The following ZNF546 variants were observed in gnomAD, a reference collection of about 807,000 sequenced individuals.
The protein encoded by ZNF546 is zinc finger protein 546.
Under a neutral mutation model 76.2 loss-of-function variants are expected in ZNF546, and 60 were observed. The observed-to-expected ratio is 0.79, with a 90% CI of 0.64 to 0.98. ZNF546 has a LOEUF of 0.98. ZNF546 is among the 50% of genes least tolerant of loss of function. The probability of loss-of-function intolerance (pLI) is 0.00; values close to 1 mark genes in which losing one functional copy is unlikely to be tolerated. For missense variants in ZNF546, 936 were observed against 1,035.6 expected (o/e 0.90, Z 1.32); for synonymous variants, 277 against 328.1 (o/e 0.84, Z 1.68).
Position 39,998,615 on chromosome 19 carries a change from T to G in ZNF546, c.84+205T>G, listed in dbSNP as rs536785772. On this transcript the variant is annotated intron_variant, in intron 3 of 6. Coordinates refer to ENST00000347077, the MANE Select transcript of ZNF546 (RefSeq NM_178544.5). ...TTTAAGGCTTTTAGAAGTGGGAATG[T>G]GATTGGAAGTCCAAGCATAGAAATC... 1.9e-4 allele frequency: 99 copies of G among 533,748 alleles called. 1 individual carries two copies. The highest frequency in any genetic ancestry group is 2.9e-4 in the Admixed American group (9 of 31,452). The allele number at this position is 533,748 out of a possible 1,614,324, so 33.1% of individuals were successfully genotyped here.
chr19:40,007,329 G>A lies in ZNF546; in HGVS notation c.227G>A (p.Cys76Tyr). The stretch of plus-strand genomic sequence containing the variant: ...GACCTCTCCCAAGAGGAGTGGGAGT[G>A]CCTGGACGCTGTGCAGAGGGACTTG... The part of the protein sequence containing the change: ...SIDLSQEEWE[C>Y]LDAVQRDLYK... The change falls in exon 5 of 7, where the codon TGC becomes TAC. Residue 76 changes from cysteine (C) to tyrosine (Y), a missense_variant. Coordinates refer to ENST00000347077, the MANE Select transcript of ZNF546 (RefSeq NM_178544.5). 1.2e-6 allele frequency: 2 copies of A among 1,607,248 alleles called. No homozygotes were observed. The highest frequency in any genetic ancestry group is 1.7e-6 in the Non-Finnish European group (2 of 1,175,980).
At position 40,015,566 on chromosome 19, in the gene ZNF546, C is replaced by T. The variant is rs756825142; in HGVS notation, c.2296C>T (p.Arg766Ter). ...NAFRLQAELT[R>*]HHIVHTGEKP... ...CTTTCGTCTTCAAGCAGAACTTACT[C>T]GACATCACATAGTTCACACGGGTGA... Residue 766 changes from arginine to a stop codon, truncating the protein, a stop_gained, in exon 7 of 7, where the codon CGA becomes TGA. Transcript: ENST00000347077. LOFTEE classifies it high-confidence loss of function. 2.2e-5 allele frequency: 36 copies of T among 1,613,898 alleles called. No individual in the cohort carries two copies. The highest frequency in any genetic ancestry group is 7.7e-5 in the South Asian group (7 of 91,070).
chr19:40,013,687 CAAGAATTTGCTTTCAG>C lies in ZNF546; in HGVS notation c.420_435del (p.Asn141ArgfsTer52), dbSNP rs1407466601. ...CAGATTTGGAATACAAGTATATTAC[CAAGAATTTGCTTTCAG>C]AAAAGAATGTTTGCAAAATCTATTT... On this transcript the variant is annotated frameshift_variant, in exon 7 of 7. Transcript: ENST00000347077. LOFTEE classifies it high-confidence loss of function. 1 of 1,494,104 alleles carries C rather than the reference CAAGAATTTGCTTTCAG, an allele frequency of 6.7e-7. No individual in the cohort carries two copies. Among genetic ancestry groups the C allele is most frequent in the Non-Finnish European group, 9.0e-7 (1 of 1,109,810 alleles). The allele number at this position is 1,494,104 out of a possible 1,614,324, so 92.6% of individuals were successfully genotyped here.
intron 3 of ZNF546, among the ~76,000 whole-genome samples, chr19:40,002,952 G>T (rs891183988): frequency 3.3e-5 from 5 of 151,950 alleles, no homozygotes; most frequent in African/African-American, 1.2e-4. Flanking sequence ...CGCCCACCTT[G>T]GCCTCCCAAA....
At position 40,017,756 on chromosome 19, in the gene ZNF546, C is replaced by G. The variant is rs1265176565; in HGVS notation, c.*1975C>G. 6.6e-6 allele frequency: 1 copy of G among 152,114 alleles called. No individual in the cohort carries two copies. The highest frequency in any genetic ancestry group is 1.9e-4 in the East Asian group (1 of 5,190). 9.4% of individuals were successfully genotyped at this position (152,114 alleles called of 1,614,324 possible). ...AGATTTGACCCCCAGTAACTTCACA[C>G]CTAAGGAGATTAGCAATAATTCCAT... is the stretch of plus-strand genomic sequence containing the variant. On this transcript the variant is annotated 3_prime_UTR_variant, in exon 7 of 7. Transcript: ENST00000347077.
chr19:40,000,965 C>T (rs1330405508), intron 3 of ZNF546, among the ~76,000 whole-genome samples: 1 of 152,038 alleles, frequency 6.6e-6, no homozygotes, highest in Non-Finnish European at 1.5e-5. Context: ...AGCTTGTTTT[C>T]CTGCAACTAG....
rs1444023254 is a variant in ZNF546, at chr19:40,020,343, TTA to T, written c.*4566_*4567del. Reference sequence around the variant, plus strand: ...ATTGTACAAGTCATTTACTATCTAATTATATCATTGCTCAACATTTGCAAATT... The same window carrying T: ...ATTGTACAAGTCATTTACTATCTAATTATCATTGCTCAACATTTGCAAATT... On this transcript the variant is annotated 3_prime_UTR_variant, in exon 7 of 7. Coordinates refer to ENST00000347077, the MANE Select transcript of ZNF546 (RefSeq NM_178544.5). 2.8e-4 allele frequency: 42 copies of T among 152,312 alleles called. No homozygotes were observed. The highest frequency in any genetic ancestry group is 1.6e-3 in the Admixed American group (25 of 15,308). The allele number at this position is 152,312 out of a possible 1,614,324, so 9.4% of individuals were successfully genotyped here. A position where few individuals can be genotyped will look rare whatever the true frequency, so the allele number is the denominator to read the frequency against.
chr19:40,008,614 C>T lies in ZNF546; in HGVS notation c.394+49C>T, dbSNP rs1284941525. The T allele has an allele frequency of 2.7e-6, 4 of 1,481,272 alleles. No individual in the cohort carries two copies. In the South Asian group the frequency reaches 3.5e-5, roughly 13 times the overall value. The allele number at this position is 1,481,272 out of a possible 1,614,324, so 91.8% of individuals were successfully genotyped here. ...GAGGGTGCTATCACAAGTTATGACC[C>T]ATGATGTCAGGGAGGAGGCACAGCA... On this transcript the variant is annotated intron_variant, in intron 6 of 6. Coordinates refer to ENST00000347077, the MANE Select transcript of ZNF546 (RefSeq NM_178544.5).
chr19:40,007,532 T>C (rs1465462813), intron 5 of ZNF546, 132 bp downstream of exon 5: 2 of 1,019,050 alleles, frequency 2.0e-6, no homozygotes, highest in Non-Finnish European at 2.6e-6. Flanking sequence ...TCAGCAGTGT[T>C]GGGGTGGAAA....
rs373287860 is a variant in ZNF546, at chr19:40,014,036, C to A, written c.766C>A (p.Arg256=). The A allele has an allele frequency of 5.4e-5, 87 of 1,611,272 alleles. 2 individuals are homozygous for A. In the South Asian group the frequency reaches 9.5e-4, roughly 18 times the overall value. ...KCMECGKAFC[R]VGDLRVHHTI... The stretch of plus-strand genomic sequence containing the variant: ...TATGGAATGTGGAAAGGCCTTTTGT[C>A]GAGTGGGAGACCTTAGAGTACATCA... Residue 256 remains arginine (R), a synonymous_variant, in exon 7 of 7, where the codon CGA becomes AGA. Coordinates refer to ENST00000347077, the MANE Select transcript of ZNF546 (RefSeq NM_178544.5).
In ZNF546 at chr19:40,018,663, C is replaced by A. The variant is rs893976003; in HGVS notation, c.*2882C>A. ...CACGACTAAGTCATAAAAGGCAATA[C>A]AGCTTCTGCCTGACCCACTTGGGAT... On this transcript the variant is annotated 3_prime_UTR_variant, in exon 7 of 7. Transcript: ENST00000347077. 1 of 152,234 alleles carries A rather than the reference C, an allele frequency of 6.6e-6. No individual in the cohort carries two copies. Among genetic ancestry groups the A allele is most frequent in the Non-Finnish European group, 1.5e-5 (1 of 68,054 alleles). 9.4% of individuals were successfully genotyped at this position (152,234 alleles called of 1,614,324 possible).
At chr19:40,003,814 C>T (rs1046592129) in intron 3 of ZNF546, among the ~76,000 whole-genome samples, 3 of 151,894 alleles carry the variant, frequency 2.0e-5, no homozygotes, top group African/African-American at 7.3e-5. Flanking sequence ...GAGTTCGAAA[C>T]CAGCCTGGCC....
chr19:40,007,236 A>G, intron 4 of ZNF546, 38 bp from the exon 5 acceptor site: 5 of 1,455,418 alleles, frequency 3.4e-6, no homozygotes, highest in Non-Finnish European at 4.6e-6. Flanking sequence ...TTGAAAATAC[A>G]TTTAATTTTT....
At chr19:40,001,088 C>G (rs1261589137) in intron 3 of ZNF546, among the ~76,000 whole-genome samples, 1 of 152,032 alleles carries the variant, frequency 6.6e-6, no homozygotes, top group South Asian at 2.1e-4. Context: ...AGGGTTCGCA[C>G]TCCTATGAAA....
rs1971782124 is a variant in ZNF546, at chr19:40,017,178, C to A, written c.*1397C>A. 1 of 152,070 alleles carries A rather than the reference C, an allele frequency of 6.6e-6. No individual in the cohort carries two copies. Among genetic ancestry groups the A allele is most frequent in the African/African-American group, 2.4e-5 (1 of 41,404 alleles). The allele number at this position is 152,070 out of a possible 1,614,324, so 9.4% of individuals were successfully genotyped here. A position where few individuals can be genotyped will look rare whatever the true frequency, so the allele number is the denominator to read the frequency against. On this transcript the variant is annotated 3_prime_UTR_variant, in exon 7 of 7. Transcript: ENST00000347077. ...TAAACTTCCATTTATAAAGTCAGAA[C>A]CTATCTCTGAAAATTAATGTGAGAA...
intron 3 of ZNF546, among the ~76,000 whole-genome samples, chr19:40,004,079 A>T (rs1488859207): frequency 1.4e-5 from 2 of 143,292 alleles, no homozygotes; most frequent in African/African-American, 5.2e-5. Flanking sequence ...ATAAATATAT[A>T]TATAACTATA....
At chr19:40,010,058 A>C (rs1401517439) in intron 6 of ZNF546, among the ~76,000 whole-genome samples, 2 of 152,194 alleles carry the variant, frequency 1.3e-5, no homozygotes, top group Non-Finnish European at 2.9e-5. Flanking sequence ...TGGGTAGATC[A>C]TATGATAAAT....
rs771936400 is a variant in ZNF546 at position 40,014,396 on chromosome 19, C to T, written c.1126C>T (p.Gln376Ter). Residue 376 changes from glutamine (Q) to a stop codon, truncating the protein, a stop_gained, in exon 7 of 7, where the codon CAG (glutamine) becomes TAG (stop). Transcript: ENST00000347077. LOFTEE classifies it high-confidence loss of function. ...FRVQRHISQH[Q>*]KIHTGVKPYK... Reference sequence around the variant, plus strand: ...GGTACAACGACATATTAGTCAACATCAGAAAATTCATACTGGTGTCAAACC... The same window carrying T: ...GGTACAACGACATATTAGTCAACATTAGAAAATTCATACTGGTGTCAAACC... 1.4e-5 allele frequency: 23 copies of T among 1,613,996 alleles called. No individual in the cohort carries two copies. The Admixed American group carries it at 3.8e-4, about 27-fold the overall frequency.
rs546130223 is a variant in ZNF546, at chr19:40,013,640, C to CTTTTTTTT, written c.395-12_395-5dup. 5.1e-5 allele frequency: 56 copies of CTTTTTTTT among 1,092,190 alleles called. 1 individual carries two copies. The highest frequency in any genetic ancestry group is 1.2e-4 in the East Asian group (4 of 32,182). The allele number at this position is 1,092,190 out of a possible 1,614,324, so 67.7% of individuals were successfully genotyped here. ...CATTATAGCATTTGTTTACTCTTTG[C>CTTTTTTTT]TTTTTTTTTTTTTTTTTTTTGCAGA... On this transcript the variant is annotated intron_variant, in intron 6 of 6. Coordinates refer to ENST00000347077, the MANE Select transcript of ZNF546 (RefSeq NM_178544.5).
Sources: gnomAD v4.1 joint callset for allele counts (sites outside exome capture counted in the v4.1 genomes callset) on GRCh38, gnomAD v4.1.1 for gene constraint, MANE v1.5 for transcripts, NCBI Gene and HGNC (gene_info 2026-07-23, HGNC 2026-07-21) for gene names.